The following USHBP1 variants were observed in gnomAD, a reference collection of about 807,000 sequenced individuals.
USHBP1 encodes the protein USH1 protein network component harmonin binding protein 1, also known as harmonin-binding protein USHBP1.
Under a neutral mutation model 76.2 loss-of-function variants are expected in USHBP1, and 67 were observed. The ratio of observed to expected loss-of-function variants is 0.88; its 90% CI spans 0.72 to 1.08. USHBP1 has a LOEUF of 1.08. Among genes scored for constraint, USHBP1 ranks in the 50% least tolerant of loss-of-function variants. USHBP1 has a pLI of 0.00. For synonymous variants in USHBP1, 322 were observed against 362.2 expected (o/e 0.89, Z 1.26); for missense variants, 931 against 915.0 (o/e 1.02, Z -0.23).
intron 4 of USHBP1, among the ~76,000 whole-genome samples, chr19:17,261,013 C>G (rs1345924627): frequency 6.6e-6 from 1 of 152,170 alleles, no homozygotes; most frequent in African/African-American, 2.4e-5. Flanking sequence ...TCCTGGCTCT[C>G]CAGGAGTCCA....
At position 17,264,243 on chromosome 19, in the gene USHBP1, T is replaced by TA. The variant is rs1331043265; in HGVS notation, c.54+2dup. 37 of 1,613,462 alleles carry TA rather than the reference T, an allele frequency of 2.3e-5. No individual in the cohort carries two copies. Among genetic ancestry groups the TA allele is most frequent in the Non-Finnish European group, 3.1e-5 (37 of 1,179,850 alleles). ...GGTGTGGAGGGGAGAGGGTGACACT[T>TA]ACGGGTGGAGCATGCCTCCCTCGCC... is the stretch of plus-strand genomic sequence containing the variant. On this transcript the variant is annotated splice_region_variant and intron_variant, in intron 2 of 12. Transcript: ENST00000252597.
At chr19:17,261,460 G>C (rs1301609076) in intron 4 of USHBP1, among the ~76,000 whole-genome samples, 12 of 140,508 alleles carry the variant, frequency 8.5e-5, no homozygotes, top group African/African-American at 2.9e-4. Flanking sequence ...CTCAGCCTCC[G>C]GAGTAGCTGG....
At position 17,258,348 on chromosome 19, in the gene USHBP1, G is replaced by A. The variant is rs1248222756; in HGVS notation, c.1084C>T (p.Leu362=). The part of the protein sequence containing the change: ...CEEAYRVLLA[L]READSGAGDE... Reference sequence around the variant, plus strand: ...CCTGCTCCTGAGTCGGCCTCCCGCAGAGCAAGCAGAACCCTGTATGCCTCT... The same window carrying A: ...CCTGCTCCTGAGTCGGCCTCCCGCAAAGCAAGCAGAACCCTGTATGCCTCT... The change falls in exon 8 of 13, where the codon CTG becomes TTG. Residue 362 remains leucine (L), a synonymous_variant. Transcript: ENST00000252597. 6.2e-7 allele frequency: 1 copy of A among 1,613,938 alleles called. No homozygotes were observed. Among genetic ancestry groups the A allele is most frequent in the Non-Finnish European group, 8.5e-7 (1 of 1,180,024 alleles).
chr19:17,260,083 C>A, intron 4 of USHBP1, 61 bp from the exon 5 acceptor site: 1 of 1,552,910 alleles, frequency 6.4e-7, no homozygotes, highest in East Asian at 2.3e-5. Context: ...GCCCTCTCTC[C>A]CCAAGGCCTG....
At chr19:17,250,866 T>C (rs1599463119) in intron 12 of USHBP1, among the ~76,000 whole-genome samples, 1 of 150,138 alleles carries the variant, frequency 6.7e-6, no homozygotes, top group East Asian at 2.0e-4. Flanking sequence ...TTTTTTCTTG[T>C]TGTTGTTTTT....
intron 10 of USHBP1, among the ~76,000 whole-genome samples, chr19:17,254,785 G>C (rs1042675641): frequency 2.0e-5 from 3 of 151,968 alleles, no homozygotes; most frequent in Non-Finnish European, 4.4e-5. Context: ...CCGAGTAGCT[G>C]GGACCACTGT....
chr19:17,250,404 G>A lies in USHBP1; in HGVS notation c.1933C>T (p.Leu645=), dbSNP rs145804391. ...DLCKAHSALV[L]AFRGAHRKQE... ...TTCCGGTGGGCTCCTCGGAAGGCCA[G>A]GACCAGGGCGCTGGAAGGGGTGGGT... Residue 645 remains leucine (L), a synonymous_variant, in exon 13 of 13, where the codon CTG becomes TTG. Coordinates refer to ENST00000252597, the MANE Select transcript of USHBP1 (RefSeq NM_031941.4). 149 of 1,612,264 alleles carry A rather than the reference G, an allele frequency of 9.2e-5. No individual in the cohort carries two copies. The highest frequency in any genetic ancestry group is 1.2e-4 in the Non-Finnish European group (136 of 1,179,782).
Position 17,256,659 on chromosome 19 carries a change from A to G in USHBP1, c.1282T>C (p.Tyr428His), listed in dbSNP as rs372170885. The change falls in exon 9 of 13, where the codon TAT (tyrosine) becomes CAT (histidine). Residue 428 changes from tyrosine to histidine, a missense_variant. Physicochemically the swap from Tyr to His is moderately conservative, Grantham distance 83 (BLOSUM62 2). Coordinates refer to ENST00000252597, the MANE Select transcript of USHBP1 (RefSeq NM_031941.4). ...PQEVAFQLRS[Y>H]VQRLQERRSL... ...CGGCGCTCCTGGAGACGCTGGACAT[A>G]GCTTCGGAGCTGGAAAGCCACTTCC... is the stretch of plus-strand genomic sequence containing the variant. 6.2e-7 allele frequency: 1 copy of G among 1,614,106 alleles called. No individual in the cohort carries two copies. Among genetic ancestry groups the G allele is most frequent in the African/African-American group, 1.3e-5 (1 of 74,944 alleles).
intron 4 of USHBP1, among the ~76,000 whole-genome samples, chr19:17,261,841 C>A (rs901757707): frequency 7.2e-5 from 11 of 151,936 alleles, no homozygotes; most frequent in Non-Finnish European, 1.5e-4. Flanking sequence ...CGTGCCACCA[C>A]ACCTGGCTAA....
rs890705694 is a variant in USHBP1, at chr19:17,259,447, G to A, written c.906-18C>T. 1 of 1,613,860 alleles carries A rather than the reference G, an allele frequency of 6.2e-7. No individual in the cohort carries two copies. Among genetic ancestry groups the A allele is most frequent in the Non-Finnish European group, 8.5e-7 (1 of 1,179,946 alleles). ...CAATGCTCCTGTTCCCGAAGGTGGG[G>A]AAGAGGGAAAGTCAGAGGCCTTCTA... On this transcript the variant is annotated intron_variant, in intron 6 of 12. Transcript: ENST00000252597.
At chr19:17,259,455 A>G (rs1192447472) in intron 6 of USHBP1, 26 bp from the exon 7 acceptor site, 1 of 1,613,524 alleles carries the variant, frequency 6.2e-7, no homozygotes. Flanking sequence ...GGGAAGAGGG[A>G]AAGTCAGAGG....
At chr19:17,251,076 T>G (rs2145576576) in intron 12 of USHBP1, among the ~76,000 whole-genome samples, 1 of 151,594 alleles carries the variant, frequency 6.6e-6, no homozygotes, top group Non-Finnish European at 1.5e-5. Flanking sequence ...GTCAGGCTGG[T>G]CTCGAACTCC....
rs750282255 is a variant in USHBP1 at position 17,264,169 on chromosome 19, G to A, written c.55-19C>T. On this transcript the variant is annotated intron_variant, in intron 2 of 12. Transcript: ENST00000252597. ...GTTCACCCTGCAAATGACCCCCGGG[G>A]CCCTGCTCTGAGCCAGGCAGGACAG... 2 of 1,612,436 alleles carry A rather than the reference G, an allele frequency of 1.2e-6. No individual in the cohort carries two copies. Among genetic ancestry groups the A allele is most frequent in the Admixed American group, 1.7e-5 (1 of 59,868 alleles).
rs993905069 is a variant in USHBP1 at position 17,264,325 on chromosome 19, G to A, written c.-26C>T. 1.3e-6 allele frequency: 2 copies of A among 1,599,778 alleles called. No homozygotes were observed. The highest frequency in any genetic ancestry group is 1.1e-5 in the South Asian group (1 of 88,980). ...TGCTGTCCAGAAGCCAGTGCCCTCT[G>A]AATGCTTCTCCTTCGTCAACCCCTA... is the stretch of plus-strand genomic sequence containing the variant. On this transcript the variant is annotated 5_prime_UTR_variant, in exon 2 of 13. Coordinates refer to ENST00000252597, the MANE Select transcript of USHBP1 (RefSeq NM_031941.4).
At chr19:17,261,440 A>C (rs1427303699) in intron 4 of USHBP1, among the ~76,000 whole-genome samples, 1 of 144,730 alleles carries the variant, frequency 6.9e-6, no homozygotes, top group Non-Finnish European at 1.5e-5. Context: ...GGTTCACGCC[A>C]TTCTCCTGCC....
chr19:17,258,707 TCA>T, intron 7 of USHBP1: 12 of 137,894 alleles, frequency 8.7e-5, no homozygotes, highest in Non-Finnish European at 1.2e-4. Context: ...AGACTCTGTC[TCA>T]AAAAAAAAAA....
intron 7 of USHBP1, 100 bp from the exon 8 acceptor site, chr19:17,258,485 G>A: frequency 1.4e-6 from 2 of 1,384,456 alleles, no homozygotes; most frequent in Non-Finnish European, 2.0e-6. Context: ...GAGGCGGGAG[G>A]ATTACCTGAG....
Position 17,264,286 on chromosome 19 carries a change from G to GC in USHBP1, c.13dup (p.Ala5GlyfsTer16). On this transcript the variant is annotated frameshift_variant, in exon 2 of 13. Transcript: ENST00000252597. LOFTEE classifies it high-confidence loss of function. ...CCCTCGCCGGCTTCGGGGCCGCGTG[G>GC]CCCGGGCACTCATTGCTGTCCAGAA... 12 of 1,612,854 alleles carry GC rather than the reference G, an allele frequency of 7.4e-6. No individual in the cohort carries two copies. The highest frequency in any genetic ancestry group is 7.6e-6 in the Non-Finnish European group (9 of 1,179,750).
chr19:17,255,326 A>C, intron 10 of USHBP1, 59 bp downstream of exon 10: 1 of 1,499,386 alleles, frequency 6.7e-7, no homozygotes, highest in Non-Finnish European at 9.0e-7. Flanking sequence ...TGTGATTGAC[A>C]AGGGCTATGT....
Sources: gnomAD v4.1 joint callset for allele counts (sites outside exome capture counted in the v4.1 genomes callset) on GRCh38, gnomAD v4.1.1 for gene constraint, MANE v1.5 for transcripts, NCBI Gene and HGNC (gene_info 2026-07-23, HGNC 2026-07-21) for gene names.